Variants in PCDH15 observed in about 807,000 individuals in gnomAD.
PCDH15 encodes the protein protocadherin related 15.
PCDH15 carries 129 observed loss-of-function variants against 178.5 expected under a neutral mutation model. That is an observed-to-expected ratio of 0.72 (90% CI 0.63 to 0.84). The LOEUF (loss-of-function observed/expected upper bound fraction) is 0.84. PCDH15 is among the 40% of genes least tolerant of loss of function. The probability of loss-of-function intolerance (pLI) is 0.00; values close to 1 mark genes in which losing one functional copy is unlikely to be tolerated. For synonymous variants in PCDH15, 800 were observed against 732.0 expected (o/e 1.09, Z -1.50); for missense variants, 2,230 against 2,099.9 (o/e 1.06, Z -1.21).
intron 3 of PCDH15, among the ~76,000 whole-genome samples, chr10:54,821,434 G>T (rs1263663077): frequency 6.6e-6 from 1 of 151,782 alleles, no homozygotes; most frequent in African/African-American, 2.4e-5. Context: ...AATTACAAAT[G>T]TAAAATTAGA....
At chr10:54,375,554 C>T (rs1948266620) in intron 4 of PCDH15, among the ~76,000 whole-genome samples, 2 of 151,730 alleles carry the variant, frequency 1.3e-5, no homozygotes, top group South Asian at 4.2e-4. Flanking sequence ...TCCTTATAAG[C>T]CAAATAACTT....
chr10:54,092,261 G>T lies in PCDH15; in HGVS notation c.1918-2198C>A, dbSNP rs2094611517. 2.0e-5 allele frequency among the ~76,000 whole-genome samples: 3 copies of T among 152,182 alleles called. No homozygotes were observed. The South Asian group carries it at 6.2e-4, about 32-fold the overall frequency. On this transcript the variant is annotated intron_variant, in intron 15 of 37. Transcript: ENST00000644397. ...ATATCTGCTGTATCTGGCTGTGTCT[G>T]AATTTCTTCTCTGCCACCACCTTCC...
chr10:54,309,860 T>C (rs1352648100), intron 8 of PCDH15, among the ~76,000 whole-genome samples: 1 of 151,954 alleles, frequency 6.6e-6, no homozygotes, highest in Non-Finnish European at 1.5e-5. Context: ...TAGGATATAA[T>C]GACAAAGAAG....
intron 14 of PCDH15, among the ~76,000 whole-genome samples, chr10:54,150,302 C>T (rs763044042): frequency 6.6e-6 from 1 of 152,012 alleles, no homozygotes; most frequent in South Asian, 2.1e-4. Flanking sequence ...TAATACTCCA[C>T]CAACCGTATC....
At chr10:54,553,709 T>C (rs1446045415) in intron 2 of PCDH15, among the ~76,000 whole-genome samples, 1 of 152,170 alleles carries the variant, frequency 6.6e-6, no homozygotes, top group East Asian at 1.9e-4. Context: ...AAATGTTTCT[T>C]ATTCTTATCC....
At chr10:55,062,955 T>C (rs762553487) in intron 2 of PCDH15, among the ~76,000 whole-genome samples, 8 of 152,110 alleles carry the variant, frequency 5.3e-5, no homozygotes, top group Non-Finnish European at 1.0e-4. Flanking sequence ...ATAAAAGATG[T>C]ATGTGAATTG....
At chr10:54,244,380 T>C (rs536225467) in intron 8 of PCDH15, among the ~76,000 whole-genome samples, 2 of 152,320 alleles carry the variant, frequency 1.3e-5, no homozygotes, top group African/African-American at 4.8e-5. Context: ...CTATGGATCA[T>C]CAAATGATTT....
intron 21 of PCDH15, chr10:53,995,304 T>C: frequency 3.4e-6 from 1 of 296,964 alleles, no homozygotes; most frequent in Non-Finnish European, 6.4e-6. Context: ...AAAATAGTCA[T>C]ATATGCATAC....
chr10:55,539,638 A>T lies in PCDH15; in HGVS notation c.-156+87987T>A, dbSNP rs187874511. 1.1e-4 allele frequency among the ~76,000 whole-genome samples: 16 copies of T among 152,224 alleles called. No homozygotes were observed. The East Asian group carries it at 3.1e-3, about 29-fold the overall frequency. On this transcript the variant is annotated intron_variant, in intron 2 of 5. Transcript: ENST00000613346. Reference sequence around the variant, plus strand: ...AATCATTGAACACACTTTTATTTTCAAAGCTCATTTCCAACTGTCACTTTT... The same window carrying T: ...AATCATTGAACACACTTTTATTTTCTAAGCTCATTTCCAACTGTCACTTTT...
intron 3 of PCDH15, among the ~76,000 whole-genome samples, chr10:54,808,189 A>T (rs191611750): frequency 4.1e-4 from 62 of 152,264 alleles, no homozygotes; most frequent in Middle Eastern, 3.4e-3. Flanking sequence ...CTCAGTAATC[A>T]CTATTTTAGG....
chr10:54,640,907 C>T (rs2093972966), intron 2 of PCDH15, among the ~76,000 whole-genome samples: 1 of 151,976 alleles, frequency 6.6e-6, no homozygotes. Context: ...AGTTGGAGAC[C>T]AGCCTGGCTG....
chr10:54,327,278 TA>T (rs1261606912), intron 7 of PCDH15, among the ~76,000 whole-genome samples: 1 of 151,812 alleles, frequency 6.6e-6, no homozygotes, highest in Non-Finnish European at 1.5e-5. Context: ...TTCAGTTAAA[TA>T]GAAAAAAGAA....
At chr10:54,623,302 G>A (rs989813535) in intron 2 of PCDH15, among the ~76,000 whole-genome samples, 1 of 152,066 alleles carries the variant, frequency 6.6e-6, no homozygotes, top group Non-Finnish European at 1.5e-5. Context: ...ATCTTGCCTA[G>A]ACAGTGTTAT....
chr10:53,891,132 G>A lies in PCDH15; in HGVS notation c.3501+12111C>T, dbSNP rs185042943. Among the ~76,000 whole-genome samples the A allele has an allele frequency of 2.4e-4, 28 of 115,906 alleles. 1 individual carries two copies. The highest frequency in any genetic ancestry group is 6.2e-4 in the Admixed American group (6 of 9,606). 76.0% of individuals were successfully genotyped at this position (115,906 alleles called of 152,430 possible). ...TCGTGTTATAGATCTCCTGTGTCAG[G>A]TCAGTACAGCACAAAGTTAATGGAG... On this transcript the variant is annotated intron_variant, in intron 26 of 37. Transcript: ENST00000644397.
At chr10:55,288,419 G>T (rs951185097) in intron 1 of PCDH15, among the ~76,000 whole-genome samples, 1 of 151,790 alleles carries the variant, frequency 6.6e-6, no homozygotes, top group Non-Finnish European at 1.5e-5. Context: ...AAAAGAAAAT[G>T]TGTAAGTACA....
At chr10:55,600,149 G>C (rs1589168890) in intron 2 of PCDH15, 2 of 313,798 alleles carry the variant, frequency 6.4e-6, no homozygotes, top group Non-Finnish European at 1.2e-5. Flanking sequence ...TGGATCACGA[G>C]GTCAGGAGAT....
chr10:54,291,032 A>G (rs1255603860), intron 8 of PCDH15, among the ~76,000 whole-genome samples: 1 of 150,340 alleles, frequency 6.7e-6, no homozygotes, highest in Non-Finnish European at 1.5e-5. Flanking sequence ...GAACTCATTC[A>G]TTTGAACTCG....
intron 8 of PCDH15, among the ~76,000 whole-genome samples, chr10:54,263,643 C>A (rs2057477807): frequency 6.6e-6 from 1 of 152,112 alleles, no homozygotes; most frequent in African/African-American, 2.4e-5. Context: ...AACCAAGGAA[C>A]ATATATAGAA....
At chr10:55,237,118 T>C (rs1214029716) in intron 1 of PCDH15, among the ~76,000 whole-genome samples, 1 of 152,134 alleles carries the variant, frequency 6.6e-6, no homozygotes, top group African/African-American at 2.4e-5. Flanking sequence ...TTCTCAGTAA[T>C]TCATTTCTTT....
Sources: allele counts gnomAD v4.1 joint callset (sites outside exome capture counted in the v4.1 genomes callset), GRCh38; gene constraint gnomAD v4.1.1; transcripts MANE v1.5; gene names NCBI Gene and HGNC (gene_info 2026-07-23, HGNC 2026-07-21).